FRK: variants seen among roughly 807,000 people sequenced by gnomAD.
FRK encodes fyn related Src family tyrosine kinase.
In FRK, 51 loss-of-function variants were observed where a neutral mutation model predicts 56.4. The ratio of observed to expected loss-of-function variants is 0.90; its 90% CI spans 0.72 to 1.14. The LOEUF (loss-of-function observed/expected upper bound fraction) is 1.14. Ranked by LOEUF, FRK falls within the 50% of genes most tolerant of loss-of-function variation. The pLI is 0.00. For synonymous variants in FRK, 245 were observed against 217.9 expected, an observed-to-expected ratio of 1.12 and a Z score of -1.10; for missense variants, 570 against 601.4, an observed-to-expected ratio of 0.95 and a Z score of 0.55.
rs1405385922 is a variant in FRK, at chr6:116,058,888, G to GCA, written c.344+1079_344+1080insTG. ...ATCGCGCCACTGCACTCCAGCCTGGGGGACAGAGCGAGACTCCGTCTCAAA... is the reference window on the plus strand; with the variant it reads ...ATCGCGCCACTGCACTCCAGCCTGGGCAGGACAGAGCGAGACTCCGTCTCAAA... On this transcript the variant is annotated intron_variant, in intron 1 of 7. Transcript: ENST00000606080. 2.7e-5 allele frequency among the ~76,000 whole-genome samples: 4 copies of GCA among 147,460 alleles called. No homozygotes were observed. In the East Asian group the frequency reaches 7.8e-4, roughly 29 times the overall value.
chr6:115,956,661 C>T lies in FRK; in HGVS notation c.800-51G>A, dbSNP rs765214377. 16 of 1,376,868 alleles carry T rather than the reference C, an allele frequency of 1.2e-5. No individual in the cohort carries two copies. The African/African-American group carries it at 2.0e-4, about 18-fold the overall frequency. 85.3% of individuals were successfully genotyped at this position (1,376,868 alleles called of 1,614,324 possible). Reference sequence around the variant, plus strand: ...CTTTATGTTATTGAGGCATTCCTATCCTCACAGCAGCCTGGTGGGAATCAT... The same window carrying T: ...CTTTATGTTATTGAGGCATTCCTATTCTCACAGCAGCCTGGTGGGAATCAT... On this transcript the variant is annotated intron_variant, in intron 4 of 7. Coordinates refer to ENST00000606080, the MANE Select transcript of FRK (RefSeq NM_002031.3).
At position 116,024,887 on chromosome 6, in the gene FRK, A is replaced by G. The variant is rs548701158; in HGVS notation, c.345-20889T>C. ...ACTAGTTTACAGTCCCACCAACAGT[A>G]TAAAAGTGTTCCTATTTCTCCACAT... On this transcript the variant is annotated intron_variant, in intron 1 of 7. Coordinates refer to ENST00000606080, the MANE Select transcript of FRK (RefSeq NM_002031.3). Among the ~76,000 whole-genome samples the G allele has an allele frequency of 2.2e-4, 33 of 152,224 alleles. 1 individual carries two copies. The highest frequency in any genetic ancestry group is 1.8e-3 in the Admixed American group (28 of 15,286).
In FRK at chr6:116,060,165, A is replaced by G. The variant is rs1298347550; in HGVS notation, c.147T>C (p.Ala49=). Residue 49 remains alanine (A), a synonymous_variant, in exon 1 of 8, where the codon GCT becomes GCC. Coordinates refer to ENST00000606080, the MANE Select transcript of FRK (RefSeq NM_002031.3). ...QSQRHGHYFV[A]LFDYQARTAE... Reference sequence around the variant, plus strand: ...CAGTCCGAGCCTGGTAATCAAACAAAGCCACAAAGTAGTGGCCATGCCTCT... The same window carrying G: ...CAGTCCGAGCCTGGTAATCAAACAAGGCCACAAAGTAGTGGCCATGCCTCT... 1.9e-6 allele frequency: 3 copies of G among 1,614,228 alleles called. No homozygotes were observed. The highest frequency in any genetic ancestry group is 4.5e-5 in the East Asian group (2 of 44,884).
upstream of FRK, among the ~76,000 whole-genome samples, chr6:116,064,649 G>A (rs917397929): frequency 6.6e-5 from 10 of 152,074 alleles, no homozygotes; most frequent in Non-Finnish European, 1.2e-4. Flanking sequence ...CTCCCTGAAT[G>A]TTAGATTCCT....
chr6:115,988,927 C>T (rs1043414500), intron 2 of FRK, among the ~76,000 whole-genome samples: 3 of 151,906 alleles, frequency 2.0e-5, no homozygotes, highest in Admixed American at 1.3e-4. Flanking sequence ...AACTGGATGC[C>T]CTCTTTCTGA....
chr6:116,078,890 C>A, the FRK span, among the ~76,000 whole-genome samples: 1 of 152,152 alleles, frequency 6.6e-6, no homozygotes, highest in Admixed American at 6.5e-5. Context: ...AGTTACCGTT[C>A]TGTTGTCTCT....
chr6:116,100,522 G>C, the FRK span, among the ~76,000 whole-genome samples: 1 of 151,960 alleles, frequency 6.6e-6, no homozygotes, highest in Non-Finnish European at 1.5e-5. Context: ...GAGGCGCCCT[G>C]AGGCGATGGA....
At chr6:116,037,970 C>A (rs575448262) in intron 1 of FRK, among the ~76,000 whole-genome samples, 64 of 152,268 alleles carry the variant, frequency 4.2e-4, no homozygotes, top group African/African-American at 1.5e-3. Context: ...TGTGTACAAA[C>A]CCGCAAATGA....
intron 1 of FRK, among the ~76,000 whole-genome samples, chr6:116,048,285 A>ATT (rs1432813414): frequency 6.6e-6 from 1 of 152,172 alleles, no homozygotes; most frequent in Non-Finnish European, 1.5e-5. Flanking sequence ...AATTGAATGT[A>ATT]TTATCTTCCT....
rs1771958568 is a variant in FRK at position 115,931,529 on chromosome 6, C to T, written c.*10885G>A. On this transcript the variant is annotated 3_prime_UTR_variant, in exon 8 of 8. Transcript: ENST00000606080. ...AATATTAAAGAATACAATATAAAAA[C>T]ATGCATGTTTTTAAGAGAAAAATCT... 1 of 152,006 alleles carries T rather than the reference C, an allele frequency of 6.6e-6. No individual in the cohort carries two copies. The highest frequency in any genetic ancestry group is 6.6e-5 in the Admixed American group (1 of 15,262). The allele number at this position is 152,006 out of a possible 1,614,324, so 9.4% of individuals were successfully genotyped here.
the FRK span, among the ~76,000 whole-genome samples, chr6:116,085,713 GGTGT>G: frequency 4.7e-5 from 7 of 149,360 alleles, no homozygotes; most frequent in African/African-American, 1.2e-4. Flanking sequence ...TGTGTGTGTG[GGTGT>G]GTGTGTGTGT....
chr6:116,009,382 TTTA>T (rs1167591063), intron 1 of FRK, among the ~76,000 whole-genome samples: 1 of 152,094 alleles, frequency 6.6e-6, no homozygotes, highest in Non-Finnish European at 1.5e-5. Context: ...CAATCTGGGG[TTTA>T]TTAAGTCCCC....
intron 2 of FRK, among the ~76,000 whole-genome samples, chr6:115,980,278 GC>G (rs1439186502): frequency 3.9e-5 from 6 of 152,172 alleles, no homozygotes; most frequent in Admixed American, 6.6e-5. Flanking sequence ...TTAAATTGTA[GC>G]AAATCTGAAA....
intron 2 of FRK, among the ~76,000 whole-genome samples, 187 bp downstream of exon 2, chr6:116,003,690 C>G (rs1308082283): frequency 2.0e-5 from 3 of 152,130 alleles, no homozygotes; most frequent in Non-Finnish European, 4.4e-5. Context: ...ATAGAGACTT[C>G]TAGCCATAGA....
At chr6:116,056,241 G>T (rs1034205146) in intron 1 of FRK, among the ~76,000 whole-genome samples, 1 of 150,480 alleles carries the variant, frequency 6.6e-6, no homozygotes, top group Non-Finnish European at 1.5e-5. Flanking sequence ...TCGAGATAGG[G>T]TCTGGCTCTG....
In FRK at chr6:115,932,667, T is replaced by C. The variant is rs1771977149; in HGVS notation, c.*9747A>G. Reference sequence around the variant, plus strand: ...AAGGCTATTTGGTTCAGAAATCATATGCTCAACCAGACCATGAAAAAAGTG... The same window carrying C: ...AAGGCTATTTGGTTCAGAAATCATACGCTCAACCAGACCATGAAAAAAGTG... On this transcript the variant is annotated 3_prime_UTR_variant, in exon 8 of 8. Coordinates refer to ENST00000606080, the MANE Select transcript of FRK (RefSeq NM_002031.3). 1 of 152,224 alleles carries C rather than the reference T, an allele frequency of 6.6e-6. No individual in the cohort carries two copies. The highest frequency in any genetic ancestry group is 2.4e-5 in the African/African-American group (1 of 41,468). The allele number at this position is 152,224 out of a possible 1,614,324, so 9.4% of individuals were successfully genotyped here. A position where few individuals can be genotyped will look rare whatever the true frequency, so the allele number is the denominator to read the frequency against.
the FRK span, among the ~76,000 whole-genome samples, chr6:116,085,665 A>G: frequency 6.6e-6 from 1 of 152,116 alleles, no homozygotes; most frequent in Non-Finnish European, 1.5e-5. Flanking sequence ...CCCACTGACA[A>G]ATCCCCCCAT....
chr6:116,075,475 A>AC, the FRK span, among the ~76,000 whole-genome samples: 1 of 151,606 alleles, frequency 6.6e-6, no homozygotes, highest in Non-Finnish European at 1.5e-5. Flanking sequence ...GAAAAAAAAA[A>AC]AAAAAAAACC....
chr6:116,003,805 C>T (rs1300784300), intron 2 of FRK, 72 bp downstream of exon 2: 4 of 1,536,024 alleles, frequency 2.6e-6, no homozygotes, highest in Non-Finnish European at 3.5e-6. Context: ...TGATCGTGTC[C>T]ATGTTCACAC....
Sources: allele counts gnomAD v4.1 joint callset (sites outside exome capture counted in the v4.1 genomes callset), GRCh38; gene constraint gnomAD v4.1.1; transcripts MANE v1.5; gene names NCBI Gene and HGNC (gene_info 2026-07-23, HGNC 2026-07-21).